The following TAFA2 variants were observed in gnomAD, a reference collection of about 807,000 sequenced individuals.
The protein encoded by TAFA2 is chemokine-like protein TAFA-2.
In TAFA2, 7 loss-of-function variants were observed where a neutral mutation model predicts 18.8. The ratio of observed to expected loss-of-function variants is 0.37; its 90% confidence interval spans 0.21 to 0.70. TAFA2 has a LOEUF of 0.70. Among genes scored for constraint, TAFA2 ranks in the 30% least tolerant of loss-of-function variants. The probability of loss-of-function intolerance (pLI) is 0.53; values close to 1 mark genes in which losing one functional copy is unlikely to be tolerated. For synonymous variants in TAFA2, 60 were observed against 54.2 expected (o/e 1.11, Z -0.47); for missense variants, 122 against 158.1 (o/e 0.77, Z 1.23).
chr12:61,841,994 C>A (rs1195281273), intron 2 of TAFA2, among the ~76,000 whole-genome samples: 1 of 151,900 alleles, frequency 6.6e-6, no homozygotes, highest in East Asian at 1.9e-4. Flanking sequence ...ATTGGAGTTC[C>A]TTGCCACTCC....
chr12:61,794,488 C>G (rs1347789393), intron 2 of TAFA2, among the ~76,000 whole-genome samples: 1 of 151,906 alleles, frequency 6.6e-6, no homozygotes, highest in Non-Finnish European at 1.5e-5. Context: ...GATCTTCACA[C>G]TGAAAATTAT....
chr12:61,888,738 G>A (rs1203650956), intron 1 of TAFA2, among the ~76,000 whole-genome samples: 2 of 152,194 alleles, frequency 1.3e-5, no homozygotes, highest in African/African-American at 4.8e-5. Flanking sequence ...TGAACACAAA[G>A]GAGGATCAAA....
chr12:61,834,443 C>T (rs1872837322), intron 2 of TAFA2, among the ~76,000 whole-genome samples: 1 of 152,074 alleles, frequency 6.6e-6, no homozygotes, highest in East Asian at 1.9e-4. Flanking sequence ...TAGCCTGACC[C>T]AGTGACTTTG....
chr12:61,898,084 A>C (rs1016589180), intron 1 of TAFA2, among the ~76,000 whole-genome samples: 8 of 152,210 alleles, frequency 5.3e-5, no homozygotes, highest in African/African-American at 1.9e-4. Context: ...GCTCCAAAAC[A>C]ATCTTCTTCT....
intron 1 of TAFA2, among the ~76,000 whole-genome samples, chr12:62,003,924 A>C (rs912058616): frequency 6.6e-6 from 1 of 152,158 alleles, no homozygotes; most frequent in Non-Finnish European, 1.5e-5. Context: ...AAGTGCATGC[A>C]AAAAAAGGAG....
At chr12:61,923,526 AC>A (rs1235384676) in intron 1 of TAFA2, among the ~76,000 whole-genome samples, 1 of 152,142 alleles carries the variant, frequency 6.6e-6, no homozygotes, top group African/African-American at 2.4e-5. Context: ...AAACTAACAA[AC>A]AAAAATAGTA....
intron 2 of TAFA2, among the ~76,000 whole-genome samples, chr12:61,810,363 C>T (rs1871815500): frequency 1.3e-5 from 2 of 149,640 alleles, no homozygotes; most frequent in African/African-American, 5.0e-5. Flanking sequence ...GATCATGACT[C>T]TTGTGTTTTT....
intron 1 of TAFA2, among the ~76,000 whole-genome samples, chr12:62,001,642 G>C (rs779768489): frequency 3.3e-5 from 5 of 152,054 alleles, no homozygotes; most frequent in Non-Finnish European, 4.4e-5. Flanking sequence ...GCAAGCAATG[G>C]GGAGCGGCTG....
At chr12:61,738,120 G>A (rs1437824189) in intron 4 of TAFA2, among the ~76,000 whole-genome samples, 3 of 151,802 alleles carry the variant, frequency 2.0e-5, no homozygotes, top group Non-Finnish European at 4.4e-5. Context: ...TTTCTACTTG[G>A]TGTTTTGTGA....
intron 2 of TAFA2, among the ~76,000 whole-genome samples, chr12:61,853,369 A>G (rs1005962810): frequency 6.6e-6 from 1 of 152,198 alleles, no homozygotes; most frequent in Admixed American, 6.5e-5. Flanking sequence ...TGTGGAAATA[A>G]GACAGAGAGT....
upstream of TAFA2, among the ~76,000 whole-genome samples, chr12:62,196,731 T>C (rs376487284): frequency 6.6e-6 from 1 of 151,882 alleles, no homozygotes; most frequent in Non-Finnish European, 1.5e-5. Context: ...ACAAGAATAA[T>C]ACAAAAAGTC....
At chr12:62,052,220 G>C (rs930813922) in intron 1 of TAFA2, among the ~76,000 whole-genome samples, 1 of 152,056 alleles carries the variant, frequency 6.6e-6, no homozygotes, top group African/African-American at 2.4e-5. Context: ...GTGTGTGAGA[G>C]AGAGAGTCTG....
intron 2 of TAFA2, among the ~76,000 whole-genome samples, chr12:61,801,022 C>T (rs1871377793): frequency 6.6e-6 from 1 of 152,080 alleles, no homozygotes; most frequent in Admixed American, 6.5e-5. Context: ...AGAGGAATCT[C>T]ATTTTACAAT....
At chr12:61,978,898 A>G (rs1879530354) in intron 1 of TAFA2, among the ~76,000 whole-genome samples, 1 of 152,182 alleles carries the variant, frequency 6.6e-6, no homozygotes, top group Non-Finnish European at 1.5e-5. Flanking sequence ...ATTGTTTTTC[A>G]AAGTAGGCAT....
intron 1 of TAFA2, among the ~76,000 whole-genome samples, chr12:62,240,826 T>G (rs2136989575): frequency 1.3e-5 from 2 of 152,220 alleles, no homozygotes; most frequent in South Asian, 4.2e-4. Flanking sequence ...CCACCTTCTG[T>G]CAGATTAGCG....
At chr12:61,730,425 C>T (rs542592772) in intron 4 of TAFA2, among the ~76,000 whole-genome samples, 1 of 152,136 alleles carries the variant, frequency 6.6e-6, no homozygotes, top group African/African-American at 2.4e-5. Flanking sequence ...CTCAGGTCTC[C>T]TGAATAAGTA....
chr12:62,021,474 C>CTT (rs34094332), intron 1 of TAFA2: 4,827 of 417,420 alleles, frequency 0.012, 27 homozygotes, highest in African/African-American at 0.033. Context: ...CTGCATCATT[C>CTT]TTTTTTTTTT....
chr12:62,198,615 A>G (rs1467728858), intron 1 of TAFA2, among the ~76,000 whole-genome samples: 2 of 152,112 alleles, frequency 1.3e-5, no homozygotes, highest in African/African-American at 4.8e-5. Context: ...ATTTTATTTG[A>G]TGTTAACCAA....
chr12:62,167,761 A>G (rs1265066879), intron 1 of TAFA2, among the ~76,000 whole-genome samples: 2 of 152,188 alleles, frequency 1.3e-5, no homozygotes, highest in Admixed American at 6.5e-5. Flanking sequence ...AAAAGGAGCC[A>G]TGGCTTCTTG....
Sources: allele counts gnomAD v4.1 joint callset (sites outside exome capture counted in the v4.1 genomes callset), GRCh38; gene constraint gnomAD v4.1.1; transcripts MANE v1.5; gene names NCBI Gene and HGNC (gene_info 2026-07-23, HGNC 2026-07-21).